BNC2: variants seen among roughly 807,000 people sequenced by gnomAD.
BNC2 encodes the protein zinc finger protein basonuclin-2.
Under a neutral mutation model 76.3 loss-of-function variants are expected in BNC2, and 20 were observed. The observed-to-expected ratio is 0.26, with a 90% CI of 0.18 to 0.38. The LOEUF is 0.38. Ranked by LOEUF, BNC2 falls within the 10% of genes least tolerant of loss-of-function variation. The probability of loss-of-function intolerance (pLI) is 1.00; values close to 1 mark genes in which losing one functional copy is unlikely to be tolerated. For missense variants in BNC2, 1,382 were observed against 1,399.8 expected (o/e 0.99, Z 0.20); for synonymous variants, 582 against 514.8 (o/e 1.13, Z -1.77).
chr9:16,761,254 A>AAAC (rs939046728), intron 1 of BNC2, among the ~76,000 whole-genome samples: 2 of 152,154 alleles, frequency 1.3e-5, no homozygotes, highest in Non-Finnish European at 2.9e-5. Flanking sequence ...TCAAAACAAA[A>AAAC]AACAACAACA....
At chr9:16,857,247 G>C (rs751710821) in intron 1 of BNC2, among the ~76,000 whole-genome samples, 1 of 152,002 alleles carries the variant, frequency 6.6e-6, no homozygotes, top group Admixed American at 6.6e-5. Flanking sequence ...GGAGGTTGAG[G>C]TGGGCAGATC....
intron 5 of BNC2, among the ~76,000 whole-genome samples, chr9:16,519,477 T>C (rs1817549207): frequency 6.6e-6 from 1 of 152,210 alleles, no homozygotes; most frequent in Non-Finnish European, 1.5e-5. Context: ...CCCTCACTTC[T>C]GGGAGAGTTT....
intron 1 of BNC2, among the ~76,000 whole-genome samples, chr9:16,828,726 C>A (rs1753613341): frequency 6.6e-6 from 1 of 152,176 alleles, no homozygotes; most frequent in Non-Finnish European, 1.5e-5. Context: ...CTTCCTGATC[C>A]CGTTGACTTT....
chr9:16,847,049 T>C (rs535666858), intron 1 of BNC2, among the ~76,000 whole-genome samples: 17 of 152,322 alleles, frequency 1.1e-4, no homozygotes, highest in African/African-American at 4.1e-4. Flanking sequence ...CTGTTCACAA[T>C]GTCAAGTTGC....
intron 3 of BNC2, among the ~76,000 whole-genome samples, chr9:16,670,375 C>T (rs1366061760): frequency 1.3e-5 from 2 of 152,108 alleles, no homozygotes; most frequent in African/African-American, 2.4e-5. Flanking sequence ...GAATTCAGGG[C>T]GCGATCATAG....
intron 1 of BNC2, among the ~76,000 whole-genome samples, chr9:16,777,412 T>C (rs1445101711): frequency 6.6e-6 from 1 of 151,732 alleles, no homozygotes; most frequent in Non-Finnish European, 1.5e-5. Context: ...TCATAAGAAC[T>C]GTTAGGGGCT....
chr9:16,633,204 G>A (rs950996810), intron 3 of BNC2, among the ~76,000 whole-genome samples: 1 of 152,248 alleles, frequency 6.6e-6, no homozygotes, highest in Non-Finnish European at 1.5e-5. Flanking sequence ...TTGTTTAGAC[G>A]TCTAAGAAGA....
intron 1 of BNC2, among the ~76,000 whole-genome samples, chr9:16,828,991 G>T (rs1198746005): frequency 6.6e-6 from 1 of 152,144 alleles, no homozygotes; most frequent in African/African-American, 2.4e-5. Context: ...TGTGAGCAGG[G>T]GGGCGGCGGG....
chr9:16,501,756 C>G (rs2131788394), intron 5 of BNC2, among the ~76,000 whole-genome samples: 1 of 152,182 alleles, frequency 6.6e-6, no homozygotes, highest in African/African-American at 2.4e-5. Context: ...GGATGAATGG[C>G]TAAGTGGGTT....
At chr9:16,850,710 A>C (rs1819107722) in intron 1 of BNC2, among the ~76,000 whole-genome samples, 1 of 152,140 alleles carries the variant, frequency 6.6e-6, no homozygotes, top group Non-Finnish European at 1.5e-5. Flanking sequence ...AGGTAGGGGG[A>C]TCGCTTAAGT....
chr9:16,440,427 G>A (rs925903029), intron 5 of BNC2, among the ~76,000 whole-genome samples: 8 of 152,274 alleles, frequency 5.3e-5, no homozygotes, highest in South Asian at 2.1e-4. Context: ...ACTCTCTTGA[G>A]TGTTCTTTTA....
At chr9:16,799,872 A>C (rs112495947) in intron 1 of BNC2, among the ~76,000 whole-genome samples, 4 of 152,216 alleles carry the variant, frequency 2.6e-5, no homozygotes, top group African/African-American at 9.6e-5. Context: ...TTTGCACTGA[A>C]ACTATTAACC....
At chr9:16,870,432 G>A (rs576184531) in intron 1 of BNC2, among the ~76,000 whole-genome samples, 1 of 152,012 alleles carries the variant, frequency 6.6e-6, no homozygotes, top group East Asian at 2.0e-4. Context: ...CAGAAACTTG[G>A]GGCCAAGTTT....
intron 1 of BNC2, among the ~76,000 whole-genome samples, chr9:16,810,449 T>C (rs978224944): frequency 6.6e-6 from 1 of 152,192 alleles, no homozygotes; most frequent in Non-Finnish European, 1.5e-5. Flanking sequence ...ACAGAGCTGT[T>C]TGTTTACCTC....
chr9:16,552,771 G>A lies in BNC2; in HGVS notation c.434-6C>T. ...CGTGCTGAGCTTATCCAAGGCTGTG[G>A]TGGTCCCGCCAAAGTTCCAGAGATG... On this transcript the variant is annotated splice_polypyrimidine_tract_variant and splice_region_variant and intron_variant, in intron 4 of 6. Transcript: ENST00000380672. The A allele has an allele frequency of 6.2e-7, 1 of 1,612,854 alleles. No individual in the cohort carries two copies. The highest frequency in any genetic ancestry group is 8.5e-7 in the Non-Finnish European group (1 of 1,178,900).
chr9:16,610,489 T>A (rs990531786), intron 3 of BNC2, among the ~76,000 whole-genome samples: 1 of 152,198 alleles, frequency 6.6e-6, no homozygotes, highest in African/African-American at 2.4e-5. Context: ...TAAATTACTA[T>A]AATTTATCAG....
chr9:16,861,205 T>TA (rs1241413014), intron 1 of BNC2, among the ~76,000 whole-genome samples: 3 of 141,544 alleles, frequency 2.1e-5, no homozygotes, highest in African/African-American at 5.4e-5. Context: ...TATATATAAA[T>TA]TAACCAGGCA....
rs1820492588 is a variant in BNC2, at chr9:16,412,725, GAGAGA to G, written c.*6259_*6263del. The G allele has an allele frequency of 4.7e-5, 1 of 21,370 alleles. No individual in the cohort carries two copies. Among genetic ancestry groups the G allele is most frequent in the African/African-American group, 7.9e-4 (1 of 1,268 alleles). 1.3% of individuals were successfully genotyped at this position (21,370 alleles called of 1,614,324 possible). A position where few individuals can be genotyped will look rare whatever the true frequency, so the allele number is the denominator to read the frequency against. ...GAGGGAAGGAGAGAGAGAGGGGAGAGAGAGAGAGAGAGAGAGAGAGAGAGAGAGAG... is the reference window on the plus strand; with the variant it reads ...GAGGGAAGGAGAGAGAGAGGGGAGAGGAGAGAGAGAGAGAGAGAGAGAGAG... On this transcript the variant is annotated 3_prime_UTR_variant, in exon 7 of 7. Coordinates refer to ENST00000380672, the MANE Select transcript of BNC2 (RefSeq NM_017637.6).
chr9:16,487,675 T>C (rs959764775), intron 5 of BNC2, among the ~76,000 whole-genome samples: 7 of 152,164 alleles, frequency 4.6e-5, no homozygotes, highest in African/African-American at 1.7e-4. Flanking sequence ...TCAGAAACAA[T>C]AATTTCTTGT....
Sources: allele counts gnomAD v4.1 joint callset (sites outside exome capture counted in the v4.1 genomes callset), GRCh38; gene constraint gnomAD v4.1.1; transcripts MANE v1.5; gene names NCBI Gene and HGNC (gene_info 2026-07-23, HGNC 2026-07-21).